The following RNF24 variants were observed in gnomAD, a reference collection of about 807,000 sequenced individuals.
RNF24 encodes the protein ring finger protein 24.
In RNF24, 14 loss-of-function variants were observed where a neutral mutation model predicts 20.0. The ratio of observed to expected loss-of-function variants is 0.70; its 90% CI spans 0.46 to 1.10. The LOEUF is 1.10. RNF24 is among the 50% of genes least tolerant of loss of function. The pLI, the probability that RNF24 is intolerant of heterozygous loss-of-function variation, is 0.00. For synonymous variants in RNF24, 45 were observed against 61.1 expected, an observed-to-expected ratio of 0.74 and a Z score of 1.23; for missense variants, 124 against 177.6, an observed-to-expected ratio of 0.70 and a Z score of 1.71.
intron 1 of RNF24, among the ~76,000 whole-genome samples, chr20:3,967,406 A>G (rs569882803): frequency 6.6e-6 from 1 of 152,310 alleles, no homozygotes; most frequent in African/African-American, 2.4e-5. Flanking sequence ...GCCTCAGCCT[A>G]AATTTCAAAC....
intron 2 of RNF24, among the ~76,000 whole-genome samples, chr20:3,952,571 T>G (rs2091093263): frequency 6.8e-6 from 1 of 146,166 alleles, no homozygotes; most frequent in African/African-American, 2.6e-5. Context: ...TTTCTTTTAT[T>G]CTTTTTTCCC....
At chr20:4,010,214 A>G (rs990358226) in intron 1 of RNF24, among the ~76,000 whole-genome samples, 1 of 150,386 alleles carries the variant, frequency 6.6e-6, no homozygotes, top group African/African-American at 2.5e-5. Flanking sequence ...CTCCACCAGA[A>G]ATACAAAAAT....
At chr20:4,008,377 TATAA>T (rs1304033368) in intron 1 of RNF24, among the ~76,000 whole-genome samples, 8 of 19,654 alleles carry the variant, frequency 4.1e-4, no homozygotes, top group African/African-American at 6.4e-4. Context: ...ATATTATATA[TATAA>T]TATATATATT....
intron 1 of RNF24, among the ~76,000 whole-genome samples, chr20:3,981,772 T>A (rs1438039467): frequency 6.6e-6 from 1 of 152,212 alleles, no homozygotes; most frequent in Non-Finnish European, 1.5e-5. Flanking sequence ...TCCTCTTTAA[T>A]ATTTTCAAGG....
At chr20:3,941,102 C>T (rs937831672) in intron 4 of RNF24, among the ~76,000 whole-genome samples, 1 of 152,166 alleles carries the variant, frequency 6.6e-6, no homozygotes, top group African/African-American at 2.4e-5. Flanking sequence ...AGGCTTGGCT[C>T]ACTGTAGCGT....
chr20:3,930,566 C>T lies in RNF24; in HGVS notation c.*3497G>A, dbSNP rs968586086. On this transcript the variant is annotated 3_prime_UTR_variant, in exon 6 of 6. Transcript: ENST00000358395. ...ACTGAGAGGCTAACCTGCAGAAGGG[C>T]CTAAGGCTAGTGAGTGACAAGAGGT... The T allele has an allele frequency of 6.6e-6, 1 of 152,176 alleles. No individual in the cohort carries two copies. Among genetic ancestry groups the T allele is most frequent in the Non-Finnish European group, 1.5e-5 (1 of 68,060 alleles). The allele number at this position is 152,176 out of a possible 1,614,324, so 9.4% of individuals were successfully genotyped here. A position where few individuals can be genotyped will look rare whatever the true frequency, so the allele number is the denominator to read the frequency against.
intron 1 of RNF24, among the ~76,000 whole-genome samples, chr20:3,989,818 CTGAG>C (rs1980273829): frequency 6.6e-6 from 1 of 152,162 alleles, no homozygotes; most frequent in Non-Finnish European, 1.5e-5. Context: ...CCATTAGTTT[CTGAG>C]TGAGAAGACA....
rs1347637819 is a variant in RNF24 at position 4,014,764 on chromosome 20, C to CAT, written c.-8+672_-8+673insAT. Among the ~76,000 whole-genome samples, 12 of 151,978 alleles carry CAT rather than the reference C, an allele frequency of 7.9e-5. No homozygotes were observed. In the East Asian group the frequency reaches 2.1e-3, roughly 27 times the overall value. ...GCACACACACACACACACACACACA[C>CAT]ACACACACACACATCATTAGGTCTC... On this transcript the variant is annotated intron_variant, in intron 1 of 5. Coordinates refer to ENST00000358395, the MANE Select transcript of RNF24 (RefSeq NM_001134337.3).
chr20:3,937,994 A>ATG (rs2090912270), intron 4 of RNF24, among the ~76,000 whole-genome samples: 1 of 152,212 alleles, frequency 6.6e-6, no homozygotes, highest in South Asian at 2.1e-4. Context: ...TTGCTGGGTC[A>ATG]TATGGTAACT....
Position 3,947,133 on chromosome 20 carries a change from G to C in RNF24, c.186+1104C>G, listed in dbSNP as rs146405361. On this transcript the variant is annotated intron_variant, in intron 3 of 5. Coordinates refer to ENST00000358395, the MANE Select transcript of RNF24 (RefSeq NM_001134337.3). ...CACTTGAACCCGGGAGGCGGAGGTTGCATTGAGCTGAGATCTTGCCATTGC... is the reference window on the plus strand; with the variant it reads ...CACTTGAACCCGGGAGGCGGAGGTTCCATTGAGCTGAGATCTTGCCATTGC... Among the ~76,000 whole-genome samples the C allele has an allele frequency of 9.2e-5, 14 of 152,324 alleles. No individual in the cohort carries two copies. In the East Asian group the frequency reaches 2.7e-3, roughly 29 times the overall value.
chr20:3,947,239 C>T (rs1012852843), intron 3 of RNF24, among the ~76,000 whole-genome samples: 1 of 152,156 alleles, frequency 6.6e-6, no homozygotes, highest in Non-Finnish European at 1.5e-5. Flanking sequence ...GTTACAGTTC[C>T]ATAACATCAG....
At chr20:3,943,193 T>G (rs2090977912) in intron 4 of RNF24, among the ~76,000 whole-genome samples, 2 of 151,982 alleles carry the variant, frequency 1.3e-5, no homozygotes, top group African/African-American at 2.4e-5. Flanking sequence ...TTCAAATAAA[T>G]AAATAGACAT....
chr20:4,013,566 C>T (rs1295083403), intron 1 of RNF24, among the ~76,000 whole-genome samples: 2 of 152,076 alleles, frequency 1.3e-5, no homozygotes, highest in African/African-American at 4.8e-5. Flanking sequence ...CTGCAACCTC[C>T]GCCTCCGGGA....
chr20:4,000,691 A>G (rs1402909344), intron 1 of RNF24, among the ~76,000 whole-genome samples: 5 of 152,210 alleles, frequency 3.3e-5, no homozygotes, highest in African/African-American at 9.6e-5. Flanking sequence ...AACTGAACTC[A>G]TATTTATAAA....
At position 3,928,905 on chromosome 20, in the gene RNF24, C is replaced by T. The variant is rs2090774269; in HGVS notation, c.*5158G>A. The T allele has an allele frequency of 6.6e-6, 1 of 151,624 alleles. No individual in the cohort carries two copies. The highest frequency in any genetic ancestry group is 1.5e-5 in the Non-Finnish European group (1 of 67,936). The allele number at this position is 151,624 out of a possible 1,614,324, so 9.4% of individuals were successfully genotyped here. A position where few individuals can be genotyped will look rare whatever the true frequency, so the allele number is the denominator to read the frequency against. On this transcript the variant is annotated 3_prime_UTR_variant, in exon 6 of 6. Coordinates refer to ENST00000358395, the MANE Select transcript of RNF24 (RefSeq NM_001134337.3). ...TCGCTCTGTTGCCCAGGCTGGAGTG[C>T]AGTGGGGATCTTGGCTCACTGCAAC...
chr20:3,988,647 T>TG (rs1352274363), intron 1 of RNF24, among the ~76,000 whole-genome samples: 6 of 152,028 alleles, frequency 3.9e-5, no homozygotes, highest in African/African-American at 1.4e-4. Flanking sequence ...TTTATAGAGA[T>TG]GGGGTCTTGC....
chr20:3,983,940 C>CAA lies in RNF24; in HGVS notation c.-7-19918_-7-19917dup, dbSNP rs56680870. Among the ~76,000 whole-genome samples, 522 of 65,662 alleles carry CAA rather than the reference C, an allele frequency of 7.9e-3. 14 individuals are homozygous for CAA. Among genetic ancestry groups the CAA allele is most frequent in the African/African-American group, 0.029 (465 of 16,182 alleles). The allele number at this position is 65,662 out of a possible 152,430, so 43.1% of individuals were successfully genotyped here. ...TGGGTGACAGAGTGAGACTTGGTCT[C>CAA]AAAAAAAAAAAAAAAAAAAAAAAAA... On this transcript the variant is annotated intron_variant, in intron 1 of 5. Coordinates refer to ENST00000358395, the MANE Select transcript of RNF24 (RefSeq NM_001134337.3).
In RNF24 at chr20:3,931,823, C is replaced by G. The variant is rs2090827296; in HGVS notation, c.*2240G>C. ...GCAGAGCATTCTTGTGCTCTCCTCT[C>G]ATGGCTGGAACTATCTGGGCTTTGC... On this transcript the variant is annotated 3_prime_UTR_variant, in exon 6 of 6. Transcript: ENST00000358395. 6.6e-6 allele frequency: 1 copy of G among 152,246 alleles called. No individual in the cohort carries two copies. Among genetic ancestry groups the G allele is most frequent in the African/African-American group, 2.4e-5 (1 of 41,460 alleles). 9.4% of individuals were successfully genotyped at this position (152,246 alleles called of 1,614,324 possible).
At position 4,002,261 on chromosome 20, in the gene RNF24, C is replaced by T. The variant is rs6084543; in HGVS notation, c.-8+13176G>A. On this transcript the variant is annotated intron_variant, in intron 1 of 5. Coordinates refer to ENST00000358395, the MANE Select transcript of RNF24 (RefSeq NM_001134337.3). ...ATTAGCCCGGCGTGGTGGTGGGCGC[C>T]TGTAGTCCCAGCTACTCTGGAGGCT... Among the ~76,000 whole-genome samples the T allele has an allele frequency of 2.3e-3, 350 of 152,226 alleles. 11 individuals carry two copies. In the East Asian group the frequency reaches 0.062, roughly 27 times the overall value.
Sources: gnomAD v4.1 joint callset for allele counts (sites outside exome capture counted in the v4.1 genomes callset) on GRCh38, gnomAD v4.1.1 for gene constraint, MANE v1.5 for transcripts, NCBI Gene and HGNC (gene_info 2026-07-23, HGNC 2026-07-21) for gene names.